Variants in ANKRD45 observed in about 807,000 individuals in gnomAD.
The protein encoded by ANKRD45 is ankyrin repeat domain 45, also known as ankyrin repeat domain-containing protein 45.
ANKRD45 carries 21 observed loss-of-function variants against 28.1 expected under a neutral mutation model. The ratio of observed to expected loss-of-function variants is 0.75; its 90% CI spans 0.53 to 1.08. The LOEUF is 1.08. Ranked by LOEUF, ANKRD45 falls within the 50% of genes least tolerant of loss-of-function variation. The pLI, the probability that ANKRD45 is intolerant of heterozygous loss-of-function variation, is 0.00. For missense variants in ANKRD45, 261 were observed against 308.7 expected (o/e 0.85, Z 1.16); for synonymous variants, 86 against 103.9 (o/e 0.83, Z 1.05).
intron 1 of ANKRD45, among the ~76,000 whole-genome samples, chr1:173,664,919 C>T (rs2102398560): frequency 6.6e-6 from 1 of 152,182 alleles, no homozygotes; most frequent in South Asian, 2.1e-4. Flanking sequence ...AATCCAATCC[C>T]TCAATTTATT....
chr1:173,612,319 AGAAGGAAGGAAGGAAGGAAGGAAG>A (rs200258529), intron 5 of ANKRD45, among the ~76,000 whole-genome samples: 1 of 130,236 alleles, frequency 7.7e-6, no homozygotes, highest in Admixed American at 7.8e-5. Context: ...AAGGAAGGAA[AGAAGGAAGGAAGGAAGGAAGGAAG>A]GAAGGAAGGA....
At chr1:173,700,167 A>G in the ANKRD45 span, among the ~76,000 whole-genome samples, 1 of 152,212 alleles carries the variant, frequency 6.6e-6, no homozygotes, top group Non-Finnish European at 1.5e-5. Context: ...CAACAAAATA[A>G]AAGAGGACAC....
the ANKRD45 span, among the ~76,000 whole-genome samples, chr1:173,694,775 C>T: frequency 6.6e-6 from 1 of 151,956 alleles, no homozygotes; most frequent in African/African-American, 2.4e-5. Context: ...CTTTGTGTAC[C>T]CACAGCTTAG....
the ANKRD45 span, among the ~76,000 whole-genome samples, chr1:173,682,684 T>TACGCGCACACACACACACACACAC: frequency 6.9e-6 from 1 of 143,940 alleles, no homozygotes; most frequent in Non-Finnish European, 1.5e-5. Flanking sequence ...GCCTTTTAAA[T>TACGCGCACACACACACACACACAC]ACACACACAC....
At chr1:173,682,684 T>TATAC in the ANKRD45 span, among the ~76,000 whole-genome samples, 5 of 143,940 alleles carry the variant, frequency 3.5e-5, no homozygotes, top group African/African-American at 1.3e-4. Context: ...GCCTTTTAAA[T>TATAC]ACACACACAC....
the ANKRD45 span, among the ~76,000 whole-genome samples, chr1:173,713,471 C>T: frequency 3.3e-4 from 48 of 144,126 alleles, 1 homozygote; most frequent in African/African-American, 1.1e-3. Context: ...CACCAGACAA[C>T]GGGGATAGAT....
Position 173,610,224 on chromosome 1 carries a change from A to G in ANKRD45, c.731-9T>C. 6.2e-7 allele frequency: 1 copy of G among 1,612,740 alleles called. No homozygotes were observed. The highest frequency in any genetic ancestry group is 1.7e-4 in the Middle Eastern group (1 of 6,050). On this transcript the variant is annotated splice_polypyrimidine_tract_variant and intron_variant, in intron 5 of 5. Coordinates refer to ENST00000333279, the MANE Select transcript of ANKRD45 (RefSeq NM_198493.3). ...GGCACTTTTCACTTGACCTGAAAGG[A>G]AACAGATTTTAAAATTACATTTAAT...
chr1:173,669,370 G>T, intron 1 of ANKRD45: 2 of 445,400 alleles, frequency 4.5e-6, no homozygotes, highest in Non-Finnish European at 8.9e-6. Context: ...ATCCTAATGT[G>T]CCTTTTAAGC....
the ANKRD45 span, among the ~76,000 whole-genome samples, chr1:173,690,067 C>CG: frequency 9.8e-6 from 1 of 101,844 alleles, no homozygotes; most frequent in East Asian, 5.7e-4. Flanking sequence ...CCCCCGCCCC[C>CG]CCCCCCCCCG....
chr1:173,691,095 C>A, the ANKRD45 span, among the ~76,000 whole-genome samples: 1 of 152,200 alleles, frequency 6.6e-6, no homozygotes, highest in African/African-American at 2.4e-5. Context: ...ACTGCCCCAC[C>A]CCCCACGGCT....
At chr1:173,638,870 T>G (rs528654410) in intron 3 of ANKRD45, among the ~76,000 whole-genome samples, 1 of 152,282 alleles carries the variant, frequency 6.6e-6, no homozygotes, top group East Asian at 1.9e-4. Context: ...GTGTCTAGAT[T>G]TGACTGACTA....
the ANKRD45 span, among the ~76,000 whole-genome samples, chr1:173,702,031 A>T: frequency 6.6e-6 from 1 of 152,236 alleles, no homozygotes; most frequent in Admixed American, 6.5e-5. Context: ...AAAATAAGTT[A>T]CAAAGTACAC....
intron 2 of ANKRD45, among the ~76,000 whole-genome samples, chr1:173,647,298 T>C (rs893373652): frequency 2.0e-5 from 3 of 152,334 alleles, no homozygotes; most frequent in South Asian, 4.1e-4. Context: ...GATGCCAGCA[T>C]AGACTGTCTG....
chr1:173,655,227 T>C (rs1361026763), intron 2 of ANKRD45, among the ~76,000 whole-genome samples: 6 of 152,196 alleles, frequency 3.9e-5, no homozygotes, highest in Non-Finnish European at 7.3e-5. Context: ...CCCATATTTG[T>C]GGTTTTATCT....
intron 3 of ANKRD45, among the ~76,000 whole-genome samples, chr1:173,630,916 A>C (rs1270667685): frequency 6.6e-6 from 1 of 151,494 alleles, no homozygotes; most frequent in East Asian, 1.9e-4. Context: ...GAAGGAAGAT[A>C]AGACCACAAA....
chr1:173,686,272 T>C, the ANKRD45 span, among the ~76,000 whole-genome samples: 1 of 152,154 alleles, frequency 6.6e-6, no homozygotes, highest in Admixed American at 6.5e-5. Flanking sequence ...TGGTCAGCAA[T>C]AGAATGAGAT....
At chr1:173,615,021 G>T (rs1456155310) in intron 5 of ANKRD45, among the ~76,000 whole-genome samples, 1 of 151,956 alleles carries the variant, frequency 6.6e-6, no homozygotes, top group East Asian at 1.9e-4. Context: ...GTTTCACCAG[G>T]TTGGCCAGGC....
chr1:173,653,524 G>A (rs1182188255), intron 2 of ANKRD45, among the ~76,000 whole-genome samples: 3 of 152,112 alleles, frequency 2.0e-5, no homozygotes. Context: ...CCAACTATGT[G>A]GTCAATTTTA....
intron 5 of ANKRD45, chr1:173,612,487 C>T (rs1009700536): frequency 6.6e-6 from 1 of 152,170 alleles, no homozygotes; most frequent in African/African-American, 2.4e-5. Flanking sequence ...CAGAATTGTT[C>T]GTAATTTGGG....
Sources: gnomAD v4.1 joint callset for allele counts (sites outside exome capture counted in the v4.1 genomes callset) on GRCh38, gnomAD v4.1.1 for gene constraint, MANE v1.5 for transcripts, NCBI Gene and HGNC (gene_info 2026-07-23, HGNC 2026-07-21) for gene names.